HEMK2: variants seen among roughly 807,000 people sequenced by gnomAD.
The protein encoded by HEMK2 is methyltransferase HEMK2.
At chr21:28,800,382 T>C in the HEMK2 span, among the ~76,000 whole-genome samples, 2 of 152,084 alleles carry the variant, frequency 1.3e-5, no homozygotes, top group Admixed American at 6.6e-5. Context: ...TGCAGTGGAA[T>C]TGAGGAAAGG....
At chr21:28,680,333 C>T in the HEMK2 span, among the ~76,000 whole-genome samples, 2 of 152,132 alleles carry the variant, frequency 1.3e-5, no homozygotes, top group African/African-American at 4.8e-5. Context: ...CACATACACC[C>T]TCCCAAGACT....
chr21:28,646,088 G>T, the HEMK2 span, among the ~76,000 whole-genome samples: 1 of 152,244 alleles, frequency 6.6e-6, no homozygotes, highest in African/African-American at 2.4e-5. Context: ...AAAGAAGGTT[G>T]TGAGGGTCAC....
At chr21:28,637,825 T>G in the HEMK2 span, among the ~76,000 whole-genome samples, 1 of 152,208 alleles carries the variant, frequency 6.6e-6, no homozygotes, top group African/African-American at 2.4e-5. Context: ...TTACAACTGC[T>G]GTGAGTGAGA....
the HEMK2 span, among the ~76,000 whole-genome samples, chr21:28,841,268 T>TTATATATAATATATATAATATATATTA: frequency 1.1e-4 from 1 of 9,254 alleles, no homozygotes; most frequent in Admixed American, 2.7e-3. Context: ...ATATAATATA[T>TTATATATAATATATATAATATATATTA]ATTATATATT....
At chr21:28,600,771 T>C in the HEMK2 span, among the ~76,000 whole-genome samples, 1 of 152,220 alleles carries the variant, frequency 6.6e-6, no homozygotes, top group African/African-American at 2.4e-5. Flanking sequence ...CTCTTGGATG[T>C]TTTGCTGCTT....
the HEMK2 span, among the ~76,000 whole-genome samples, chr21:28,800,039 T>G: frequency 1.3e-5 from 2 of 152,212 alleles, no homozygotes; most frequent in Non-Finnish European, 2.9e-5. Flanking sequence ...TTGGCAATCC[T>G]GTTTTATGCA....
chr21:28,735,764 C>T, the HEMK2 span, among the ~76,000 whole-genome samples: 7 of 152,182 alleles, frequency 4.6e-5, no homozygotes, highest in African/African-American at 1.7e-4. Context: ...CCCAGATAAC[C>T]TCCCTATCTT....
chr21:28,864,865 A>AGATAGATG, the HEMK2 span, among the ~76,000 whole-genome samples: 7 of 131,308 alleles, frequency 5.3e-5, no homozygotes, highest in East Asian at 2.0e-4. Flanking sequence ...ATAGATAGAT[A>AGATAGATG]GATGGATGAT....
chr21:28,812,264 A>G, the HEMK2 span, among the ~76,000 whole-genome samples: 1 of 152,132 alleles, frequency 6.6e-6, no homozygotes, highest in Non-Finnish European at 1.5e-5. Flanking sequence ...ATTTAGTATG[A>G]TATTGGCTGT....
At chr21:28,673,036 A>AGAGG in the HEMK2 span, among the ~76,000 whole-genome samples, 1 of 151,310 alleles carries the variant, frequency 6.6e-6, no homozygotes, top group African/African-American at 2.4e-5. Flanking sequence ...GAGAAAGGAG[A>AGAGG]GAGGGAGGGA....
At chr21:28,726,773 T>C in the HEMK2 span, among the ~76,000 whole-genome samples, 1 of 150,428 alleles carries the variant, frequency 6.6e-6, no homozygotes, top group East Asian at 2.0e-4. Flanking sequence ...CCGGGAGTGG[T>C]GGTGGGTGCC....
At chr21:28,693,397 G>T in the HEMK2 span, among the ~76,000 whole-genome samples, 1 of 152,044 alleles carries the variant, frequency 6.6e-6, no homozygotes, top group Non-Finnish European at 1.5e-5. Flanking sequence ...ATAAGGACTT[G>T]GGTACTATGA....
At chr21:28,885,331 G>C in the HEMK2 span, 1 of 1,580,718 alleles carries the variant, frequency 6.3e-7, no homozygotes, top group Non-Finnish European at 8.7e-7. Context: ...GCGTAGCGAA[G>C]TTCTCCCCTG....
chr21:28,831,650 A>AAAGAAGGAAAGAAGGAAAGAAGGAAG, the HEMK2 span, among the ~76,000 whole-genome samples: 2 of 37,118 alleles, frequency 5.4e-5, no homozygotes, highest in African/African-American at 1.4e-4. Context: ...AAAGAAAGAA[A>AAAGAAGGAAAGAAGGAAAGAAGGAAG]GAAAGAAAGA....
chr21:28,764,277 G>A, the HEMK2 span, among the ~76,000 whole-genome samples: 2 of 152,058 alleles, frequency 1.3e-5, no homozygotes, highest in Non-Finnish European at 2.9e-5. Flanking sequence ...AACTGTATCT[G>A]CAAGTTGTTG....
At chr21:28,685,774 G>A in the HEMK2 span, among the ~76,000 whole-genome samples, 4 of 152,276 alleles carry the variant, frequency 2.6e-5, no homozygotes, top group Admixed American at 6.5e-5. Context: ...GAATGAGAGA[G>A]TAGGGAGGGG....
At chr21:28,640,342 C>G in the HEMK2 span, among the ~76,000 whole-genome samples, 1 of 152,180 alleles carries the variant, frequency 6.6e-6, no homozygotes. Context: ...GAAGAGGGGT[C>G]ACCATCTAAG....
the HEMK2 span, among the ~76,000 whole-genome samples, chr21:28,721,911 C>G: frequency 7.0e-6 from 1 of 142,752 alleles, no homozygotes; most frequent in African/African-American, 2.8e-5. Context: ...CACACACACA[C>G]ACACACACAC....
At chr21:28,670,345 A>C in the HEMK2 span, among the ~76,000 whole-genome samples, 1 of 152,252 alleles carries the variant, frequency 6.6e-6, no homozygotes, top group Non-Finnish European at 1.5e-5. Flanking sequence ...TAAAAATGAA[A>C]TTAAAACCTA....
Sources: allele counts gnomAD v4.1 joint callset (sites outside exome capture counted in the v4.1 genomes callset), GRCh38; gene constraint gnomAD v4.1.1; transcripts MANE v1.5; gene names NCBI Gene and HGNC (gene_info 2026-07-23, HGNC 2026-07-21).